The following FUT8 variants were observed in gnomAD, a reference collection of about 807,000 sequenced individuals.
FUT8 encodes the protein fucosyltransferase 8, also known as alpha-(1,6)-fucosyltransferase.
In FUT8, 29 loss-of-function variants were observed where a neutral mutation model predicts 71.3. The ratio of observed to expected loss-of-function variants is 0.41; its 90% CI spans 0.30 to 0.55. The LOEUF (loss-of-function observed/expected upper bound fraction) is 0.55. Ranked by LOEUF, FUT8 falls within the 20% of genes least tolerant of loss-of-function variation. The probability of loss-of-function intolerance (pLI) is 0.34; values close to 1 mark genes in which losing one functional copy is unlikely to be tolerated. For synonymous variants in FUT8, 254 were observed against 239.3 expected (o/e 1.06, Z -0.57); for missense variants, 544 against 702.1 (o/e 0.77, Z 2.55).
At chr14:65,704,025 T>C (rs1894441684) in intron 7 of FUT8, among the ~76,000 whole-genome samples, 2 of 152,208 alleles carry the variant, frequency 1.3e-5, no homozygotes, top group South Asian at 4.1e-4. Flanking sequence ...AATTCTTATA[T>C]CTTAGGGTAT....
rs1426284071 is a variant in FUT8, at chr14:65,669,812, C to T, written c.835+332C>T. Among the ~76,000 whole-genome samples the T allele has an allele frequency of 6.6e-6, 1 of 151,926 alleles. No individual in the cohort carries two copies. The highest frequency in any genetic ancestry group is 1.5e-5 in the Non-Finnish European group (1 of 67,996). On this transcript the variant is annotated intron_variant, in intron 7 of 10. Coordinates refer to ENST00000673929, the MANE Select transcript of FUT8 (RefSeq NM_001371533.1). This position sits in a 1 kb window ranked among gnomAD's most constrained non-coding sequence, Gnocchi z 4.5. Reference sequence around the variant, plus strand: ...TGAACTCATTTTAATATGAAGTAATCATCATATAAAGTAGTCCAGTTTATA... The same window carrying T: ...TGAACTCATTTTAATATGAAGTAATTATCATATAAAGTAGTCCAGTTTATA...
chr14:65,385,789 A>G, the FUT8 span, among the ~76,000 whole-genome samples: 3 of 151,868 alleles, frequency 2.0e-5, no homozygotes, highest in African/African-American at 7.2e-5. Context: ...CAATCCACTC[A>G]CCTCAGTCTC....
intron 7 of FUT8, among the ~76,000 whole-genome samples, chr14:65,681,936 A>G (rs538432407): frequency 7.2e-5 from 11 of 152,310 alleles, no homozygotes; most frequent in East Asian, 1.9e-4. Flanking sequence ...TCAGCAAACT[A>G]TAACACCCAC....
At chr14:65,589,099 G>C (rs1887545796) in intron 3 of FUT8, among the ~76,000 whole-genome samples, 1 of 152,076 alleles carries the variant, frequency 6.6e-6, no homozygotes, top group Non-Finnish European at 1.5e-5. Context: ...TTACACAAAA[G>C]ACAGACATTT....
chr14:65,528,240 C>T (rs1333746511), intron 2 of FUT8, among the ~76,000 whole-genome samples: 4 of 152,214 alleles, frequency 2.6e-5, no homozygotes, highest in Admixed American at 2.0e-4. Flanking sequence ...ACGCAAGCCT[C>T]AGCAATGGCA....
intron 5 of FUT8, among the ~76,000 whole-genome samples, chr14:65,624,794 C>G (rs114948496): frequency 6.6e-6 from 1 of 152,186 alleles, no homozygotes; most frequent in Admixed American, 6.5e-5. Context: ...CTGAGACTTG[C>G]GCCTGCGCAG....
chr14:65,635,787 G>A (rs1735708906), intron 6 of FUT8, among the ~76,000 whole-genome samples: 1 of 152,160 alleles, frequency 6.6e-6, no homozygotes, highest in Non-Finnish European at 1.5e-5. Flanking sequence ...ATACTGGTCT[G>A]TAGTTTTCTT....
intron 5 of FUT8, among the ~76,000 whole-genome samples, chr14:65,619,002 C>T (rs372204007): frequency 4.6e-5 from 7 of 152,202 alleles, no homozygotes; most frequent in African/African-American, 2.4e-5. Flanking sequence ...TTTGTACTTG[C>T]GATGGCATGT....
chr14:65,677,748 T>G (rs752177374), intron 7 of FUT8, among the ~76,000 whole-genome samples: 2 of 152,234 alleles, frequency 1.3e-5, no homozygotes, highest in Non-Finnish European at 2.9e-5. Context: ...TGAATGTTTC[T>G]AGATGCCATG....
intron 1 of FUT8, among the ~76,000 whole-genome samples, chr14:65,450,521 G>A (rs978711053): frequency 1.3e-5 from 2 of 152,110 alleles, no homozygotes; most frequent in African/African-American, 4.8e-5. Context: ...AGCAAGTATA[G>A]CATTTCTTCT....
At chr14:65,585,609 T>C (rs1887338809) in intron 3 of FUT8, among the ~76,000 whole-genome samples, 1 of 152,208 alleles carries the variant, frequency 6.6e-6, no homozygotes, top group Admixed American at 6.5e-5. Context: ...GTTTGTTCTT[T>C]TGATGCAACT....
chr14:65,733,051 C>T (rs1896052538), intron 9 of FUT8, among the ~76,000 whole-genome samples, 180 bp from the exon 10 acceptor site: 1 of 152,128 alleles, frequency 6.6e-6, no homozygotes, highest in Non-Finnish European at 1.5e-5. Flanking sequence ...ATATACAGGG[C>T]ATTCCAGAAT....
At chr14:65,611,305 C>A (rs982677058) in intron 3 of FUT8, among the ~76,000 whole-genome samples, 1 of 111,162 alleles carries the variant, frequency 9.0e-6, no homozygotes, top group African/African-American at 4.0e-5. Flanking sequence ...ACACACACCC[C>A]CCAAGTAATA....
In FUT8 at chr14:65,544,830, T is replaced by C. The variant is rs190021099; in HGVS notation, c.-227-16507T>C. Reference sequence around the variant, plus strand: ...ACTATGACACTACTGATAAGAAATATGAAGTATGATAGATGAGTATAAGTA... The same window carrying C: ...ACTATGACACTACTGATAAGAAATACGAAGTATGATAGATGAGTATAAGTA... On this transcript the variant is annotated intron_variant, in intron 2 of 10. Coordinates refer to ENST00000673929, the MANE Select transcript of FUT8 (RefSeq NM_001371533.1). Among the ~76,000 whole-genome samples, 36 of 152,274 alleles carry C rather than the reference T, an allele frequency of 2.4e-4. No homozygotes were observed. In the East Asian group the frequency reaches 3.3e-3, roughly 14 times the overall value.
At chr14:65,418,238 C>T (rs1019466198) in intron 1 of FUT8, among the ~76,000 whole-genome samples, 8 of 152,128 alleles carry the variant, frequency 5.3e-5, no homozygotes, top group Non-Finnish European at 1.2e-4. Flanking sequence ...CTCTTAATTA[C>T]CTTTAACGTA....
At chr14:65,402,354 T>C in the FUT8 span, among the ~76,000 whole-genome samples, 89 of 151,072 alleles carry the variant, frequency 5.9e-4, no homozygotes, top group Non-Finnish European at 1.1e-3. Flanking sequence ...GCATGCACCA[T>C]CATGCCCAGC....
At chr14:65,500,743 C>G (rs892533975) in intron 2 of FUT8, among the ~76,000 whole-genome samples, 4 of 152,054 alleles carry the variant, frequency 2.6e-5, no homozygotes, top group African/African-American at 9.7e-5. Context: ...AAACTAGATA[C>G]AAAACTGCTG....
chr14:65,594,636 C>T (rs1887868498), intron 3 of FUT8, among the ~76,000 whole-genome samples: 1 of 152,072 alleles, frequency 6.6e-6, no homozygotes, highest in Non-Finnish European at 1.5e-5. Context: ...TGCAGATGAA[C>T]TGAAGGATGG....
intron 6 of FUT8, among the ~76,000 whole-genome samples, chr14:65,656,464 T>C (rs11848473): frequency 1.4e-3 from 206 of 152,142 alleles, no homozygotes; most frequent in African/African-American, 4.8e-3. Flanking sequence ...CTATAAAACA[T>C]TGATGAAGGA....
Sources: allele counts gnomAD v4.1 joint callset (sites outside exome capture counted in the v4.1 genomes callset), GRCh38; gene constraint gnomAD v4.1.1; non-coding constraint Gnocchi (gnomAD v3.1); transcripts MANE v1.5; gene names NCBI Gene and HGNC (gene_info 2026-07-23, HGNC 2026-07-21).